Variants in TNS2 observed in about 807,000 individuals in gnomAD.
TNS2 encodes tensin 2.
A neutral mutation model predicts 155.7 loss-of-function variants in TNS2; 77 were observed. The observed-to-expected ratio is 0.49, with a 90% CI of 0.41 to 0.60. The LOEUF is 0.60. Ranked by LOEUF, TNS2 falls within the 20% of genes least tolerant of loss-of-function variation. The probability of loss-of-function intolerance (pLI) is 0.00; values close to 1 mark genes in which losing one functional copy is unlikely to be tolerated. For synonymous variants in TNS2, 726 were observed against 763.9 expected, an observed-to-expected ratio of 0.95 and a Z score of 0.82; for missense variants, 1,703 against 1,868.8, an observed-to-expected ratio of 0.91 and a Z score of 1.64.
chr12:53,053,197 GCT>G (rs1486567180), intron 3 of TNS2: 57 of 597,560 alleles, frequency 9.5e-5, no homozygotes, highest in Non-Finnish European at 1.2e-5. Flanking sequence ...TGGGCTGGGG[GCT>G]GAGCGCCAAG....
chr12:53,063,027 G>T lies in TNS2; in HGVS notation c.3824-62G>T, dbSNP rs879870609. 7.3e-6 allele frequency: 11 copies of T among 1,500,118 alleles called. No individual in the cohort carries two copies. The Admixed American group carries it at 2.3e-4, about 31-fold the overall frequency. The allele number at this position is 1,500,118 out of a possible 1,614,324, so 92.9% of individuals were successfully genotyped here. ...ACAGCAGTAGCTGGGGAATGTGCAAGAGCTGGTGGGGGTGGCTAGGGGATG... is the reference window on the plus strand; with the variant it reads ...ACAGCAGTAGCTGGGGAATGTGCAATAGCTGGTGGGGGTGGCTAGGGGATG... On this transcript the variant is annotated intron_variant, in intron 25 of 28. Coordinates refer to ENST00000314250, the MANE Select transcript of TNS2 (RefSeq NM_170754.4). This position sits in a 1 kb window ranked among gnomAD's most constrained non-coding sequence, Gnocchi z 5.6.
Position 53,061,808 on chromosome 12 carries a change from C to G in TNS2, c.3449-7C>G, listed in dbSNP as rs1017818573. On this transcript the variant is annotated splice_region_variant and splice_polypyrimidine_tract_variant and intron_variant, in intron 21 of 28. Transcript: ENST00000314250. The stretch of plus-strand genomic sequence containing the variant: ...CTCCCCACTGCCCGCTACCCCTCAC[C>G]CTGCAGCCATTGCCCTGCTGAAGGA... 6.2e-7 allele frequency: 1 copy of G among 1,610,764 alleles called. No individual in the cohort carries two copies. The highest frequency in any genetic ancestry group is 8.5e-7 in the Non-Finnish European group (1 of 1,178,292).
rs542426782 is a variant in TNS2, at chr12:53,063,655, A to G, written c.4091+63A>G. 4.9e-5 allele frequency: 79 copies of G among 1,614,064 alleles called. 1 individual carries two copies. In the South Asian group the frequency reaches 8.7e-4, roughly 18 times the overall value. On this transcript the variant is annotated intron_variant, in intron 28 of 28. Transcript: ENST00000314250. This position sits in a 1 kb window ranked among gnomAD's most constrained non-coding sequence, Gnocchi z 5.6. ...GGACCAGGGCGCTGCTGTCCTCTCA[A>G]TGCTGGCATTTGATTTGTCTCACCA...
chr12:53,047,219 G>A (rs2121025355), upstream of TNS2, among the ~76,000 whole-genome samples: 1 of 141,214 alleles, frequency 7.1e-6, no homozygotes, highest in South Asian at 2.3e-4. Flanking sequence ...GCGGGAGGGA[G>A]CCCAGCCGAG....
chr12:53,051,819 G>A (rs1325756262), intron 1 of TNS2, 36 bp from the exon 2 acceptor site: 21 of 1,551,896 alleles, frequency 1.4e-5, no homozygotes, highest in Admixed American at 6.8e-5. Flanking sequence ...TGGGCCCACT[G>A]GGAACTCACA....
upstream of TNS2, among the ~76,000 whole-genome samples, chr12:53,047,986 C>T (rs540784345): frequency 3.9e-5 from 6 of 152,288 alleles, no homozygotes; most frequent in South Asian, 1.2e-3. Flanking sequence ...GGAGGGGTTT[C>T]TCCAAACAAA....
In TNS2 at chr12:53,058,311, C is replaced by T. The variant is rs1944234113; in HGVS notation, c.1096-5C>T. 1.9e-6 allele frequency: 3 copies of T among 1,613,878 alleles called. No homozygotes were observed. Among genetic ancestry groups the T allele is most frequent in the Middle Eastern group, 1.6e-4 (1 of 6,084 alleles). ...CTGATCCGCAGCCTCCTGCCTTTCT[C>T]CCAGGTAACATGTTATCACAAGGGT... On this transcript the variant is annotated splice_polypyrimidine_tract_variant and splice_region_variant and intron_variant, in intron 14 of 28. Transcript: ENST00000314250.
Position 53,059,067 on chromosome 12 carries a change from G to T in TNS2, c.1426G>T (p.Gly476Cys). The change falls in exon 18 of 29, where the codon GGT (glycine) becomes TGT (cysteine). Residue 476 changes from glycine to cysteine, a missense_variant. Physicochemically the swap from Gly to Cys is radical, Grantham distance 159 (BLOSUM62 -3). Coordinates refer to ENST00000314250, the MANE Select transcript of TNS2 (RefSeq NM_170754.4). This position sits in a 1 kb window ranked among gnomAD's most constrained non-coding sequence, Gnocchi z 4.7. ...CTCAGGCTCCTTGACCCACACCCGG[G>T]GTCCCCTGGATGGCAGTCCTTATGC... ...SVDGSLTHTRGPLDGSPYAQV... is the reference protein window; with the variant it reads ...SVDGSLTHTRCPLDGSPYAQV... The T allele has an allele frequency of 6.5e-7, 1 of 1,537,594 alleles. No individual in the cohort carries two copies. Among genetic ancestry groups the T allele is most frequent in the Non-Finnish European group, 8.7e-7 (1 of 1,144,804 alleles).
chr12:53,058,946 C>A, intron 17 of TNS2, 101 bp from the exon 18 acceptor site: 1 of 1,551,060 alleles, frequency 6.4e-7, no homozygotes, highest in East Asian at 2.3e-5. Flanking sequence ...GAGACACCCC[C>A]GGCCCGACAG....
At position 53,063,182 on chromosome 12, in the gene TNS2, GC is replaced by G. The variant is rs1309771103; in HGVS notation, c.3922del (p.Arg1308AlafsTer18). The G allele has an allele frequency of 6.2e-7, 1 of 1,612,264 alleles. No homozygotes were observed. ...ARASSAALSC[S>X]PRPTPAVVHF... ...GCCAGCTCTGCAGCTCTGAGCTGTAGCCCCCGCCCGACACCAGCTGTTGTCC... is the reference window on the plus strand; with the variant it reads ...GCCAGCTCTGCAGCTCTGAGCTGTAGCCCCGCCCGACACCAGCTGTTGTCC... On this transcript the variant is annotated frameshift_variant, in exon 26 of 29. Transcript: ENST00000314250. LOFTEE classifies it high-confidence loss of function. This position sits in a 1 kb window ranked among gnomAD's most constrained non-coding sequence, Gnocchi z 5.6.
chr12:53,057,744 C>A, intron 12 of TNS2, 29 bp from the exon 13 acceptor site: 2 of 1,614,174 alleles, frequency 1.2e-6, no homozygotes, highest in Non-Finnish European at 1.7e-6. Flanking sequence ...CTCAGCACCC[C>A]TCCTGTGCCT....
At position 53,054,008 on chromosome 12, in the gene TNS2, T is replaced by C. The variant is rs946763610; in HGVS notation, c.344T>C (p.Leu115Pro). ...AACCACTCAAAGCAGCGCAGCACTC[T>C]GCCCAGGTAAGTGAGGGTGCTGGGG... ...SLNHSKQRST[L>P]PRSFSLDPLM... is the part of the protein sequence containing the mutation. The change falls in exon 6 of 29, where the codon CTG becomes CCG. Residue 115 changes from leucine (L) to proline (P), a missense_variant. Transcript: ENST00000314250. The C allele has an allele frequency of 1.2e-6, 2 of 1,614,052 alleles. No individual in the cohort carries two copies. The highest frequency in any genetic ancestry group is 2.7e-5 in the African/African-American group (2 of 74,942).
intron 2 of TNS2, 45 bp downstream of exon 2, chr12:53,052,008 C>T: frequency 1.4e-6 from 2 of 1,439,516 alleles, no homozygotes; most frequent in Non-Finnish European, 1.9e-6. Flanking sequence ...CACCCAGTAC[C>T]ACTGTGTTGC....
upstream of TNS2, among the ~76,000 whole-genome samples, chr12:53,047,256 A>G (rs1420542474): frequency 5.1e-5 from 7 of 136,038 alleles, no homozygotes; most frequent in African/African-American, 1.9e-4. Flanking sequence ...CGCCACTGCC[A>G]CCGCCTCCTC....
Position 53,053,301 on chromosome 12 carries a change from A to T in TNS2, c.223-110A>T, listed in dbSNP as rs1944009285. 4 of 1,258,678 alleles carry T rather than the reference A, an allele frequency of 3.2e-6. No homozygotes were observed. The South Asian group carries it at 3.7e-5, about 12-fold the overall frequency. The allele number at this position is 1,258,678 out of a possible 1,614,324, so 78.0% of individuals were successfully genotyped here. ...GCAACCTCAGCTGGAGCCTGTGCCC[A>T]TCCACTGAAGGCCCCTCCACCTTCC... On this transcript the variant is annotated intron_variant, in intron 3 of 28. Coordinates refer to ENST00000314250, the MANE Select transcript of TNS2 (RefSeq NM_170754.4).
At chr12:53,052,006 A>G in intron 2 of TNS2, 43 bp downstream of exon 2, 2 of 1,487,756 alleles carry the variant, frequency 1.3e-6, no homozygotes, top group Non-Finnish European at 1.9e-6. Flanking sequence ...TCCACCCAGT[A>G]CCACTGTGTT....
chr12:53,056,474 C>G (rs555002786), intron 10 of TNS2: 1 of 154,110 alleles, frequency 6.5e-6, no homozygotes, highest in Non-Finnish European at 1.4e-5. Flanking sequence ...ATCTGAGACT[C>G]GGGATGGAAT....
In TNS2 at chr12:53,058,872, G is replaced by C. The variant is rs774688024; in HGVS notation, c.1405+45G>C. The C allele has an allele frequency of 1.9e-5, 31 of 1,598,048 alleles. No homozygotes were observed. The East Asian group carries it at 6.9e-4, about 36-fold the overall frequency. Reference sequence around the variant, plus strand: ...GGTGGGAGGTACAGGGTTGTGGCGGGACCCTGGGGGGTGGTGCCAGGGAGA... The same window carrying C: ...GGTGGGAGGTACAGGGTTGTGGCGGCACCCTGGGGGGTGGTGCCAGGGAGA... On this transcript the variant is annotated intron_variant, in intron 17 of 28. Coordinates refer to ENST00000314250, the MANE Select transcript of TNS2 (RefSeq NM_170754.4).
intron 8 of TNS2, 71 bp downstream of exon 8, chr12:53,055,307 T>G (rs1356500944): frequency 2.0e-6 from 3 of 1,521,878 alleles, no homozygotes; most frequent in Non-Finnish European, 2.7e-6. Flanking sequence ...AGCTTCCTCG[T>G]TATTAATAGT....
Sources: gnomAD v4.1 joint callset for allele counts (sites outside exome capture counted in the v4.1 genomes callset) on GRCh38, gnomAD v4.1.1 for gene constraint, Gnocchi (gnomAD v3.1) non-coding constraint, MANE v1.5 for transcripts, NCBI Gene and HGNC (gene_info 2026-07-23, HGNC 2026-07-21) for gene names.